Variants in KLHL20 observed in about 807,000 individuals in gnomAD.
KLHL20 encodes kelch like family member 20, also known as kelch-like protein 20.
A neutral mutation model predicts 69.5 loss-of-function variants in KLHL20; 29 were observed. The ratio of observed to expected loss-of-function variants is 0.42; its 90% CI spans 0.31 to 0.57. The LOEUF is 0.57. KLHL20 is among the 20% of genes least tolerant of loss of function. The pLI is 0.18. For missense variants in KLHL20, 419 were observed against 776.0 expected, an observed-to-expected ratio of 0.54 and a Z score of 5.47; for synonymous variants, 253 against 265.2, an observed-to-expected ratio of 0.95 and a Z score of 0.45.
At chr1:173,778,941 C>T (rs1264335919) in intron 10 of KLHL20, among the ~76,000 whole-genome samples, 1 of 151,752 alleles carries the variant, frequency 6.6e-6, no homozygotes, top group Admixed American at 6.6e-5. Context: ...GTTTTTTTCA[C>T]TTAAATTTCA....
intron 3 of KLHL20, among the ~76,000 whole-genome samples, chr1:173,737,614 G>C (rs934089434): frequency 1.3e-5 from 2 of 152,122 alleles, no homozygotes; most frequent in African/African-American, 4.8e-5. Context: ...TGCTGTTTTG[G>C]TGACTATAGC....
At chr1:173,762,021 A>G (rs1647338510) in intron 7 of KLHL20, among the ~76,000 whole-genome samples, 3 of 152,212 alleles carry the variant, frequency 2.0e-5, no homozygotes, top group Admixed American at 1.3e-4. Flanking sequence ...TAACCTCACT[A>G]GAAAATGAAA....
At chr1:173,758,368 T>C (rs1673648631) in intron 7 of KLHL20, among the ~76,000 whole-genome samples, 1 of 152,100 alleles carries the variant, frequency 6.6e-6, no homozygotes, top group Non-Finnish European at 1.5e-5. Context: ...GAAGGGATCA[T>C]GGCAGACGGG....
At chr1:173,745,170 CTTTTT>C (rs796578983) in intron 3 of KLHL20, among the ~76,000 whole-genome samples, 3 of 115,534 alleles carry the variant, frequency 2.6e-5, no homozygotes, top group Non-Finnish European at 5.3e-5. Context: ...TTTCTTTTTT[CTTTTT>C]TTTTTTTTTT....
At chr1:173,770,972 T>G (rs530610131) in intron 8 of KLHL20, among the ~76,000 whole-genome samples, 83 of 152,224 alleles carry the variant, frequency 5.5e-4, no homozygotes, top group Non-Finnish European at 1.1e-3. Context: ...AAAAAATTCC[T>G]TAGACATCTA....
chr1:173,753,299 A>G lies in KLHL20; in HGVS notation c.843A>G (p.Glu281=). 1 of 1,612,562 alleles carries G rather than the reference A, an allele frequency of 6.2e-7. No homozygotes were observed. The highest frequency in any genetic ancestry group is 8.5e-7 in the Non-Finnish European group (1 of 1,178,586). The part of the protein sequence containing the change: ...VGSDPLIKSD[E]ECRDLVDEAK... ...CTGATCCCCTCATCAAAAGTGATGA[A>G]GAATGCAGGTATGAGTGACCCTGGA... Residue 281 remains glutamate (E), a synonymous_variant, in exon 5 of 12, where the codon GAA becomes GAG. Transcript: ENST00000209884.
chr1:173,749,029 C>T (rs1673194487), intron 3 of KLHL20, among the ~76,000 whole-genome samples: 1 of 151,978 alleles, frequency 6.6e-6, no homozygotes, highest in Admixed American at 6.6e-5. Context: ...TGATACATAC[C>T]ATATTGAAAT....
intron 2 of KLHL20, among the ~76,000 whole-genome samples, chr1:173,719,273 G>A (rs1671610861): frequency 6.6e-6 from 1 of 152,034 alleles, no homozygotes. Context: ...AGTTCTGTCT[G>A]CAATGAATAT....
At chr1:173,758,133 A>G (rs1200816746) in intron 7 of KLHL20, among the ~76,000 whole-genome samples, 1 of 151,972 alleles carries the variant, frequency 6.6e-6, no homozygotes, top group Non-Finnish European at 1.5e-5. Flanking sequence ...TACTAGTTGT[A>G]GTGGTGCACG....
chr1:173,754,370 T>A (rs1047277152), intron 5 of KLHL20, among the ~76,000 whole-genome samples: 3 of 152,062 alleles, frequency 2.0e-5, no homozygotes, highest in African/African-American at 7.2e-5. Flanking sequence ...GTGTATCACC[T>A]GAGGTCAGGA....
chr1:173,785,223 A>G lies in KLHL20; in HGVS notation c.1806A>G (p.Thr602=). The G allele has an allele frequency of 6.2e-7, 1 of 1,611,328 alleles. No individual in the cohort carries two copies. Among genetic ancestry groups the G allele is most frequent in the South Asian group, 1.1e-5 (1 of 90,552 alleles). The change falls in exon 12 of 12, where the codon ACA becomes ACG. Residue 602 remains threonine, a synonymous_variant. Transcript: ENST00000209884. ...LGGGVGVIKM[T]HCESHIW is the part of the protein sequence containing the mutation. ...GTGGCGTAGGAGTTATTAAAATGAC[A>G]CATTGTGAATCCCATATTTGGTGAA...
Position 173,733,194 on chromosome 1 carries a change from G to T in KLHL20, c.24-519G>T, listed in dbSNP as rs570414249. Among the ~76,000 whole-genome samples, 9 of 151,788 alleles carry T rather than the reference G, an allele frequency of 5.9e-5. No homozygotes were observed. The East Asian group carries it at 1.8e-3, about 30-fold the overall frequency. ...GCCACCACACACGGCTAATTTTTCT[G>T]TAATTTTAGTAGAGACAGGGTTTTG... On this transcript the variant is annotated intron_variant, in intron 2 of 11. Transcript: ENST00000209884.
At chr1:173,763,741 A>G (rs1425426947) in intron 7 of KLHL20, among the ~76,000 whole-genome samples, 1 of 152,144 alleles carries the variant, frequency 6.6e-6, no homozygotes, top group Admixed American at 6.6e-5. Flanking sequence ...TCAACTCAAG[A>G]TGTATTAAGG....
intron 10 of KLHL20, among the ~76,000 whole-genome samples, chr1:173,779,177 T>A (rs1240058714): frequency 2.6e-5 from 4 of 152,180 alleles, no homozygotes; most frequent in Admixed American, 6.5e-5. Context: ...AACTTTTAAT[T>A]TCTTCATTTC....
intron 2 of KLHL20, among the ~76,000 whole-genome samples, chr1:173,718,695 C>T (rs556466172): frequency 1.3e-5 from 2 of 151,692 alleles, no homozygotes; most frequent in Non-Finnish European, 2.9e-5. Context: ...CACTCCTGCC[C>T]GTGTAACAGA....
intron 7 of KLHL20, among the ~76,000 whole-genome samples, chr1:173,757,648 G>T (rs1431716257): frequency 6.9e-6 from 1 of 143,896 alleles, no homozygotes; most frequent in African/African-American, 2.6e-5. Context: ...CTAGGCAAAA[G>T]AGCGAGACTC....
intron 4 of KLHL20, 57 bp from the exon 5 acceptor site, chr1:173,753,156 G>T: frequency 7.2e-7 from 1 of 1,391,858 alleles, no homozygotes. Context: ...CTAGGCAACA[G>T]AGTAAGACCT....
At chr1:173,778,260 G>A (rs1017676257) in intron 10 of KLHL20, among the ~76,000 whole-genome samples, 5 of 147,492 alleles carry the variant, frequency 3.4e-5, no homozygotes, top group Admixed American at 1.4e-4. Context: ...TGTGTTCCCC[G>A]CCCTGTGTCT....
At chr1:173,751,668 G>A (rs1386634385) in intron 3 of KLHL20, 96 bp from the exon 4 acceptor site, 5 of 1,212,406 alleles carry the variant, frequency 4.1e-6, no homozygotes, top group Admixed American at 2.1e-5. Flanking sequence ...TCAGCGCATT[G>A]TAGAATACAG....
Sources: gnomAD v4.1 joint callset for allele counts (sites outside exome capture counted in the v4.1 genomes callset) on GRCh38, gnomAD v4.1.1 for gene constraint, MANE v1.5 for transcripts, NCBI Gene and HGNC (gene_info 2026-07-23, HGNC 2026-07-21) for gene names.